The following ZFHX3 variants were observed in gnomAD, a reference collection of about 807,000 sequenced individuals.
ZFHX3 encodes zinc finger homeobox protein 3.
Under a neutral mutation model 279.1 loss-of-function variants are expected in ZFHX3, and 42 were observed. The ratio of observed to expected loss-of-function variants is 0.15; its 90% CI spans 0.12 to 0.19. The LOEUF is 0.19. Ranked by LOEUF, ZFHX3 falls within the 10% of genes least tolerant of loss-of-function variation. The pLI, the probability that ZFHX3 is intolerant of heterozygous loss-of-function variation, is 1.00. For missense variants in ZFHX3, 4,981 were observed against 4,754.0 expected (o/e 1.05, Z -1.40); for synonymous variants, 2,293 against 1,957.8 (o/e 1.17, Z -4.52).
chr16:73,556,625 G>A (rs1359133587), intron 2 of ZFHX3, among the ~76,000 whole-genome samples: 1 of 152,048 alleles, frequency 6.6e-6, no homozygotes, highest in Non-Finnish European at 1.5e-5. Flanking sequence ...GGGAGGGTTA[G>A]GAAAGAGGAT....
At chr16:73,679,234 T>C (rs188120325) in intron 2 of ZFHX3, among the ~76,000 whole-genome samples, 45 of 152,228 alleles carry the variant, frequency 3.0e-4, no homozygotes, top group African/African-American at 7.5e-4. Context: ...GAACGTCTCA[T>C]GCATTCACCA....
At chr16:73,610,520 C>A (rs1255934944) in intron 2 of ZFHX3, among the ~76,000 whole-genome samples, 1 of 152,096 alleles carries the variant, frequency 6.6e-6, no homozygotes, top group Non-Finnish European at 1.5e-5. Flanking sequence ...TCCAAGGCAC[C>A]TTTTTGTTAT....
At chr16:73,075,872 C>T (rs559149423) in intron 8 of ZFHX3, among the ~76,000 whole-genome samples, 28 of 152,206 alleles carry the variant, frequency 1.8e-4, no homozygotes, top group South Asian at 1.5e-3. Flanking sequence ...CCTCGTGATG[C>T]GCCTGCCTCA....
intron 1 of ZFHX3, among the ~76,000 whole-genome samples, chr16:73,012,012 C>A (rs2058101163): frequency 6.6e-6 from 1 of 152,100 alleles, no homozygotes; most frequent in Non-Finnish European, 1.5e-5. Flanking sequence ...TAGAGGAAGG[C>A]ATGCTATTAG....
At chr16:73,489,951 A>C (rs2019031985) in intron 2 of ZFHX3, among the ~76,000 whole-genome samples, 1 of 152,210 alleles carries the variant, frequency 6.6e-6, no homozygotes, top group Admixed American at 6.5e-5. Context: ...AAATGATAAC[A>C]GTGTCTCCAT....
chr16:73,274,337 G>C (rs919053877), intron 4 of ZFHX3, among the ~76,000 whole-genome samples: 1 of 152,016 alleles, frequency 6.6e-6, no homozygotes, highest in African/African-American at 2.4e-5. Context: ...ATATTTGTTT[G>C]GTCAGCATTT....
At chr16:73,066,800 G>T (rs562528361) in intron 8 of ZFHX3, among the ~76,000 whole-genome samples, 20 of 152,320 alleles carry the variant, frequency 1.3e-4, no homozygotes, top group African/African-American at 4.6e-4. Flanking sequence ...GGGACTGCTG[G>T]TGGTTCCCTT....
intron 6 of ZFHX3, chr16:73,137,324 G>T (rs1458070357): frequency 6.6e-6 from 1 of 152,068 alleles, no homozygotes; most frequent in Non-Finnish European, 1.5e-5. Flanking sequence ...AAGGCTCAGG[G>T]ACTGTAAACC....
rs926209997 is a variant in ZFHX3 at position 73,797,717 on chromosome 16, A to G, written c.-1608+93934T>C. Among the ~76,000 whole-genome samples the G allele has an allele frequency of 5.3e-5, 8 of 151,904 alleles. 1 individual carries two copies. The highest frequency in any genetic ancestry group is 1.9e-4 in the African/African-American group (8 of 41,352). On this transcript the variant is annotated intron_variant, in intron 1 of 17. Coordinates refer to the ZFHX3 transcript ENST00000641206. ...GCTTGCACTCTATTTCTGGCTCTGC[A>G]TGACCTTCAGTTTCTTCGTCTAAAA...
intron 1 of ZFHX3, among the ~76,000 whole-genome samples, chr16:73,841,378 A>C (rs1961302933): frequency 6.6e-6 from 1 of 152,182 alleles, no homozygotes; most frequent in Non-Finnish European, 1.5e-5. Context: ...CAGTGAACCC[A>C]AGAGCCATAG....
chr16:73,865,548 A>G (rs1259592447), intron 1 of ZFHX3, among the ~76,000 whole-genome samples: 1 of 152,132 alleles, frequency 6.6e-6, no homozygotes, highest in Non-Finnish European at 1.5e-5. Context: ...TTTGTTCACA[A>G]TTACACAATT....
chr16:73,422,981 T>G (rs1357725988), intron 3 of ZFHX3, among the ~76,000 whole-genome samples: 1 of 152,216 alleles, frequency 6.6e-6, no homozygotes, highest in Non-Finnish European at 1.5e-5. Context: ...TCTCCTTGGC[T>G]GTCTTCTCAT....
chr16:73,170,433 T>C (rs1158900371), intron 5 of ZFHX3, among the ~76,000 whole-genome samples: 1 of 151,990 alleles, frequency 6.6e-6, no homozygotes, highest in Non-Finnish European at 1.5e-5. Context: ...TTTCAACATG[T>C]AGGCTAGGCT....
intron 1 of ZFHX3, among the ~76,000 whole-genome samples, chr16:73,787,742 CACCACAA>C (rs1433671781): frequency 1.3e-5 from 2 of 152,052 alleles, no homozygotes; most frequent in African/African-American, 4.8e-5. Context: ...ATAATGTACT[CACCACAA>C]ATCCCAACAC....
At chr16:73,161,730 C>A (rs1967239940) in intron 5 of ZFHX3, among the ~76,000 whole-genome samples, 1 of 152,180 alleles carries the variant, frequency 6.6e-6, no homozygotes, top group Non-Finnish European at 1.5e-5. Flanking sequence ...GGTAAACAAG[C>A]TGTGCAGGTC....
intron 5 of ZFHX3, among the ~76,000 whole-genome samples, chr16:73,154,636 C>T (rs1967027850): frequency 6.6e-6 from 1 of 152,138 alleles, no homozygotes; most frequent in African/African-American, 2.4e-5. Flanking sequence ...GAGAATGCAA[C>T]ATACATTTTA....
At chr16:72,923,158 G>T (rs1959241139) in intron 3 of ZFHX3, among the ~76,000 whole-genome samples, 1 of 152,098 alleles carries the variant, frequency 6.6e-6, no homozygotes, top group African/African-American at 2.4e-5. Context: ...ATGAACATAG[G>T]GCTGGGTGCG....
At chr16:73,646,230 G>A (rs1276705138) in intron 2 of ZFHX3, among the ~76,000 whole-genome samples, 1 of 152,100 alleles carries the variant, frequency 6.6e-6, no homozygotes, top group East Asian at 1.9e-4. Context: ...AGTAGGATGT[G>A]TCTTTACAAT....
intron 5 of ZFHX3, 148 bp downstream of exon 5, chr16:72,829,631 A>G: frequency 1.3e-6 from 1 of 761,506 alleles, no homozygotes; most frequent in South Asian, 1.8e-5. Context: ...AGCAAACGAA[A>G]TCTCCCTCCC....
Sources: allele counts gnomAD v4.1 joint callset (sites outside exome capture counted in the v4.1 genomes callset), GRCh38; gene constraint gnomAD v4.1.1; transcripts MANE v1.5; gene names NCBI Gene and HGNC (gene_info 2026-07-23, HGNC 2026-07-21).